Variants in N4BP2 observed in about 807,000 individuals in gnomAD.
The protein encoded by N4BP2 is NEDD4 binding protein 2.
A neutral mutation model predicts 152.8 loss-of-function variants in N4BP2; 91 were observed. The ratio of observed to expected loss-of-function variants is 0.60; its 90% confidence interval spans 0.50 to 0.71. N4BP2 has a LOEUF of 0.71. N4BP2 is among the 30% of genes least tolerant of loss of function. N4BP2 has a pLI of 0.00. For missense variants in N4BP2, 1,923 were observed against 2,059.1 expected (o/e 0.93, Z 1.28); for synonymous variants, 646 against 705.3 (o/e 0.92, Z 1.33).
At chr4:40,111,047 T>C (rs890364645) in intron 5 of N4BP2, among the ~76,000 whole-genome samples, 4 of 152,196 alleles carry the variant, frequency 2.6e-5, no homozygotes, top group African/African-American at 9.7e-5. Context: ...TTATTTCAGA[T>C]CATTACATTG....
chr4:40,095,242 G>A (rs898500349), intron 2 of N4BP2, among the ~76,000 whole-genome samples: 1 of 151,980 alleles, frequency 6.6e-6, no homozygotes, highest in Non-Finnish European at 1.5e-5. Flanking sequence ...CACCACGCCT[G>A]GCTAATTTTT....
Position 40,154,502 on chromosome 4 carries a change from G to T in N4BP2, c.*265G>T. 1 of 344,494 alleles carries T rather than the reference G, an allele frequency of 2.9e-6. No individual in the cohort carries two copies. The highest frequency in any genetic ancestry group is 5.2e-6 in the Non-Finnish European group (1 of 191,006). The allele number at this position is 344,494 out of a possible 1,614,324, so 21.3% of individuals were successfully genotyped here. A position where few individuals can be genotyped will look rare whatever the true frequency, so the allele number is the denominator to read the frequency against. On this transcript the variant is annotated 3_prime_UTR_variant, in exon 18 of 18. Transcript: ENST00000261435. ...GAAAATTATCAGCTACAGTTTTAAA[G>T]TTTAAAATGCTCTGATTGTTTCTCA...
chr4:40,130,951 C>T (rs1404354021), intron 12 of N4BP2, among the ~76,000 whole-genome samples: 1 of 151,758 alleles, frequency 6.6e-6, no homozygotes, highest in Admixed American at 6.6e-5. Flanking sequence ...TTTTGTCTGA[C>T]AGTTTAGAGC....
At chr4:40,118,380 C>T (rs1579067269) in intron 8 of N4BP2, among the ~76,000 whole-genome samples, 3 of 152,000 alleles carry the variant, frequency 2.0e-5, no homozygotes, top group East Asian at 1.9e-4. Context: ...TGCGGTGAGC[C>T]GAGATTGCGC....
chr4:40,165,568 G>A, the N4BP2 span, among the ~76,000 whole-genome samples: 3 of 152,040 alleles, frequency 2.0e-5, no homozygotes, highest in Admixed American at 2.0e-4. Flanking sequence ...AAAGAAGCAA[G>A]GTGCAAAAGG....
At chr4:40,153,822 G>A (rs1157266472) in intron 17 of N4BP2, among the ~76,000 whole-genome samples, 4 of 152,122 alleles carry the variant, frequency 2.6e-5, no homozygotes, top group Non-Finnish European at 5.9e-5. Context: ...AGCATTGCAT[G>A]GCCAGATTAA....
intron 16 of N4BP2, among the ~76,000 whole-genome samples, chr4:40,148,894 C>G (rs1720875567): frequency 6.6e-6 from 1 of 151,914 alleles, no homozygotes; most frequent in South Asian, 2.1e-4. Context: ...TAGGTTGTTT[C>G]ACCCAGCCTG....
At chr4:40,127,804 G>A (rs944409180) in intron 12 of N4BP2, among the ~76,000 whole-genome samples, 6 of 152,078 alleles carry the variant, frequency 3.9e-5, no homozygotes, top group Admixed American at 2.6e-4. Context: ...GGAACTACAG[G>A]TGCCTGCCAC....
chr4:40,160,618 A>G (rs1230123061), downstream of N4BP2, among the ~76,000 whole-genome samples: 1 of 152,210 alleles, frequency 6.6e-6, no homozygotes, highest in Admixed American at 6.5e-5. Flanking sequence ...TTTATTACAT[A>G]AGTGACCCCA....
rs1427626617 is a variant in N4BP2, at chr4:40,121,832, G to T, written c.3721G>T (p.Glu1241Ter). The T allele has an allele frequency of 1.2e-6, 2 of 1,614,038 alleles. No individual in the cohort carries two copies. Among genetic ancestry groups the T allele is most frequent in the Admixed American group, 1.7e-5 (1 of 60,014 alleles). Residue 1241 changes from glutamate (E) to a stop codon, truncating the protein, a stop_gained, in exon 9 of 18, where the codon GAA (glutamate) becomes TAA (stop). Coordinates refer to ENST00000261435, the MANE Select transcript of N4BP2 (RefSeq NM_018177.6). LOFTEE classifies it high-confidence loss of function. ...TGACATACTTCCTAACAGCCAGGAA[G>T]AACTTTTATATAGCAGTAAGCAGTC... ...NNDILPNSQE[E>*]LLYSSKQSFP...
At chr4:40,182,262 T>A in the N4BP2 span, among the ~76,000 whole-genome samples, 1 of 152,176 alleles carries the variant, frequency 6.6e-6, no homozygotes, top group Non-Finnish European at 1.5e-5. Flanking sequence ...AAGGTGTTCA[T>A]GTGCTTCGAA....
chr4:40,168,661 A>C, the N4BP2 span, among the ~76,000 whole-genome samples: 1 of 152,120 alleles, frequency 6.6e-6, no homozygotes, highest in African/African-American at 2.4e-5. Flanking sequence ...CAATTGACCT[A>C]CTTGCTTTAA....
At chr4:40,099,056 C>G (rs1706028) in intron 3 of N4BP2, among the ~76,000 whole-genome samples, 25,282 of 151,706 alleles carry the variant, frequency 0.17, 2,197 homozygotes, top group Middle Eastern at 0.22. Flanking sequence ...TTTTTTCTTT[C>G]TTTTGGCTTT....
At chr4:40,178,452 T>G in the N4BP2 span, among the ~76,000 whole-genome samples, 3 of 152,064 alleles carry the variant, frequency 2.0e-5, no homozygotes, top group South Asian at 6.2e-4. Flanking sequence ...AGAAAAACCT[T>G]CATCTTTAGG....
the N4BP2 span, among the ~76,000 whole-genome samples, chr4:40,185,515 A>G: frequency 6.6e-6 from 1 of 152,166 alleles, no homozygotes; most frequent in African/African-American, 2.4e-5. Flanking sequence ...TTTATTTTCT[A>G]TTTTGAATAA....
Position 40,103,194 on chromosome 4 carries a change from G to C in N4BP2, c.1349G>C (p.Gly450Ala). ...CTTGTTCTTCTCAGAGGTCTTCCGGGATCTGGAAAATCTTTTTTGGCAAGG... is the reference window on the plus strand; with the variant it reads ...CTTGTTCTTCTCAGAGGTCTTCCGGCATCTGGAAAATCTTTTTTGGCAAGG... ...LVLVLLRGLP[G>A]SGKSFLARTL... The change falls in exon 4 of 18, where the codon GGA (glycine) becomes GCA (alanine). Residue 450 changes from glycine to alanine, a missense_variant. Coordinates refer to ENST00000261435, the MANE Select transcript of N4BP2 (RefSeq NM_018177.6). The C allele has an allele frequency of 1.2e-6, 2 of 1,605,866 alleles. No individual in the cohort carries two copies. Among genetic ancestry groups the C allele is most frequent in the Non-Finnish European group, 1.7e-6 (2 of 1,176,466 alleles).
the N4BP2 span, among the ~76,000 whole-genome samples, chr4:40,178,269 C>G: frequency 6.6e-6 from 1 of 152,146 alleles, no homozygotes; most frequent in African/African-American, 2.4e-5. Context: ...TCTCAACTGT[C>G]AGTGTCAACA....
In N4BP2 at chr4:40,061,581, T is replaced by A. The variant is rs554303220; in HGVS notation, c.-212+4551T>A. Among the ~76,000 whole-genome samples, 216 of 151,524 alleles carry A rather than the reference T, an allele frequency of 1.4e-3. 1 individual carries two copies. The highest frequency in any genetic ancestry group is 4.9e-3 in the African/African-American group (201 of 41,252). On this transcript the variant is annotated intron_variant, in intron 1 of 17. Transcript: ENST00000261435. ...GGTCTCACCATGTTGGCCAGGCTGG[T>A]CTCAAACTCCTAACCTCAGGTGATC...
At chr4:40,073,667 C>T (rs1712437716) in intron 2 of N4BP2, 116 bp downstream of exon 2, 2 of 152,002 alleles carry the variant, frequency 1.3e-5, no homozygotes, top group Middle Eastern at 3.4e-3. Flanking sequence ...AATCTTGACT[C>T]ACTTCAGCCT....
Sources: gnomAD v4.1 joint callset for allele counts (sites outside exome capture counted in the v4.1 genomes callset) on GRCh38, gnomAD v4.1.1 for gene constraint, MANE v1.5 for transcripts, NCBI Gene and HGNC (gene_info 2026-07-23, HGNC 2026-07-21) for gene names.